Variants in PBX3 observed in about 807,000 individuals in gnomAD.
The protein encoded by PBX3 is pre-B-cell leukemia transcription factor 3.
Under a neutral mutation model 48.5 loss-of-function variants are expected in PBX3, and 14 were observed. The observed-to-expected ratio is 0.29, with a 90% confidence interval of 0.19 to 0.45. PBX3 has a LOEUF of 0.45. Ranked by LOEUF, PBX3 falls within the 20% of genes least tolerant of loss-of-function variation. The probability of loss-of-function intolerance (pLI) is 1.00; values close to 1 mark genes in which losing one functional copy is unlikely to be tolerated. For missense variants in PBX3, 386 were observed against 546.7 expected (o/e 0.71, Z 2.93); for synonymous variants, 210 against 200.3 (o/e 1.05, Z -0.41).
At chr9:125,862,021 A>G (rs943287020) in intron 2 of PBX3, among the ~76,000 whole-genome samples, 7 of 152,238 alleles carry the variant, frequency 4.6e-5, no homozygotes, top group African/African-American at 1.7e-4. Context: ...ATAAGGAGAC[A>G]TATCATTTCA....
chr9:125,929,898 G>T, intron 4 of PBX3, 53 bp downstream of exon 4: 1 of 1,370,596 alleles, frequency 7.3e-7, no homozygotes, highest in Non-Finnish European at 1.0e-6. Context: ...GTCACTCCTT[G>T]TGTATTATTT....
At chr9:125,813,727 A>G (rs1430180729) in intron 2 of PBX3, among the ~76,000 whole-genome samples, 6 of 152,016 alleles carry the variant, frequency 3.9e-5, no homozygotes, top group Non-Finnish European at 8.8e-5. Flanking sequence ...CCTGGAATCA[A>G]CCGTTTCTTT....
chr9:125,948,725 T>C (rs990437054), intron 5 of PBX3, among the ~76,000 whole-genome samples: 2 of 152,002 alleles, frequency 1.3e-5, no homozygotes, highest in African/African-American at 4.8e-5. Context: ...TGTGTGTATA[T>C]ATATATATAT....
At chr9:125,951,463 G>C (rs556954357) in intron 5 of PBX3, among the ~76,000 whole-genome samples, 1 of 152,278 alleles carries the variant, frequency 6.6e-6, no homozygotes, top group East Asian at 1.9e-4. Flanking sequence ...AGCTTGCCCA[G>C]AACTTGAAGC....
At chr9:125,961,719 T>G (rs998701937) in intron 6 of PBX3, among the ~76,000 whole-genome samples, 2 of 152,208 alleles carry the variant, frequency 1.3e-5, no homozygotes, top group African/African-American at 4.8e-5. Flanking sequence ...CTTCTCTGGG[T>G]GGCTGTCCAC....
intron 2 of PBX3, among the ~76,000 whole-genome samples, chr9:125,831,203 A>G (rs74444895): frequency 0.035 from 5,404 of 152,300 alleles, 333 homozygotes; most frequent in African/African-American, 0.12. Context: ...TAGATTCATC[A>G]TGCATCACAT....
At chr9:125,748,173 C>G in intron 1 of PBX3, 1 of 925,688 alleles carries the variant, frequency 1.1e-6, no homozygotes, top group Non-Finnish European at 1.3e-6. Flanking sequence ...CTGTCACCCT[C>G]CCGCTGGCCG....
chr9:125,757,544 A>G lies in PBX3; in HGVS notation c.274+8921A>G, dbSNP rs1182595018. 2.6e-5 allele frequency among the ~76,000 whole-genome samples: 4 copies of G among 152,122 alleles called. No individual in the cohort carries two copies. In the East Asian group the frequency reaches 7.7e-4, roughly 29 times the overall value. On this transcript the variant is annotated intron_variant, in intron 2 of 8. Transcript: ENST00000373489. ...ATGTGTGTAATTAATATCTTTAATT[A>G]AACCTAGTAATATTGGCATATTTTA...
In PBX3 at chr9:125,858,622, A is replaced by ATTT. The variant is rs36077474; in HGVS notation, c.275-57047_275-57045dup. Among the ~76,000 whole-genome samples, 485 of 117,742 alleles carry ATTT rather than the reference A, an allele frequency of 4.1e-3. 22 individuals are homozygous for ATTT. Among genetic ancestry groups the ATTT allele is most frequent in the South Asian group, 5.9e-3 (21 of 3,530 alleles). 77.2% of individuals were successfully genotyped at this position (117,742 alleles called of 152,430 possible). A position where few individuals can be genotyped will look rare whatever the true frequency, so the allele number is the denominator to read the frequency against. On this transcript the variant is annotated intron_variant, in intron 2 of 8. Transcript: ENST00000373489. ...CCCTACTTTTGAAAGACTTTGGTCCATTTTTTTTTTTTTTTTTTTCAAGAT... is the reference window on the plus strand; with the variant it reads ...CCCTACTTTTGAAAGACTTTGGTCCATTTTTTTTTTTTTTTTTTTTTTCAAGAT...
chr9:125,959,702 C>T (rs1012337740), intron 5 of PBX3, among the ~76,000 whole-genome samples: 3 of 152,202 alleles, frequency 2.0e-5, no homozygotes, highest in Non-Finnish European at 4.4e-5. Context: ...AGTGACCCCA[C>T]CCAGCCTGAT....
chr9:125,756,959 T>C (rs1042930091), intron 2 of PBX3, among the ~76,000 whole-genome samples: 4 of 152,158 alleles, frequency 2.6e-5, no homozygotes, highest in South Asian at 2.1e-4. Context: ...TTAAAACATA[T>C]GAAGTTATTT....
rs202004098 is a variant in PBX3 at position 125,899,454 on chromosome 9, TAGAGAGAG to T, written c.275-16205_275-16198del. 1.3e-3 allele frequency among the ~76,000 whole-genome samples: 137 copies of T among 103,756 alleles called. 5 individuals carry two copies. Among genetic ancestry groups the T allele is most frequent in the African/African-American group, 4.5e-3 (116 of 26,056 alleles). 68.1% of individuals were successfully genotyped at this position (103,756 alleles called of 152,430 possible). The stretch of plus-strand genomic sequence containing the variant: ...ATATATATGTGTGTATATATATATA[TAGAGAGAG>T]AGAGAGAGAGAGAGAGAGAGAGAGA... On this transcript the variant is annotated intron_variant, in intron 2 of 8. Coordinates refer to ENST00000373489, the MANE Select transcript of PBX3 (RefSeq NM_006195.6).
intron 3 of PBX3, among the ~76,000 whole-genome samples, chr9:125,921,190 T>C (rs117905119): frequency 0.022 from 3,335 of 152,316 alleles, 132 homozygotes; most frequent in Non-Finnish European, 0.022. Flanking sequence ...GACTTTTCCT[T>C]GCCTGGAAGG....
At chr9:125,905,014 A>G in intron 2 of PBX3, among the ~76,000 whole-genome samples, 1 of 151,918 alleles carries the variant, frequency 6.6e-6, no homozygotes, top group Non-Finnish European at 1.5e-5. Flanking sequence ...TCTTTAGGTA[A>G]TTTTGAAATC....
intron 2 of PBX3, among the ~76,000 whole-genome samples, chr9:125,866,054 A>G (rs1839972718): frequency 6.6e-6 from 1 of 152,026 alleles, no homozygotes; most frequent in Admixed American, 6.5e-5. Flanking sequence ...AAAACATTGA[A>G]AAGTGTTTGA....
intron 2 of PBX3, among the ~76,000 whole-genome samples, chr9:125,825,485 C>CTT (rs781544459): frequency 3.5e-5 from 5 of 140,984 alleles, no homozygotes; most frequent in Admixed American, 1.4e-4. Flanking sequence ...TATTGTTTTA[C>CTT]TTTTTTTTTT....
At chr9:125,813,398 C>T (rs1035905228) in intron 2 of PBX3, among the ~76,000 whole-genome samples, 14 of 152,102 alleles carry the variant, frequency 9.2e-5, no homozygotes, top group African/African-American at 3.4e-4. Flanking sequence ...TCTTATGAAA[C>T]CATCATTGTA....
At chr9:125,883,870 G>A (rs2132358549) in intron 2 of PBX3, among the ~76,000 whole-genome samples, 2 of 152,322 alleles carry the variant, frequency 1.3e-5, no homozygotes, top group South Asian at 4.1e-4. Context: ...TGAAAGGACT[G>A]TCGAGTTTCT....
intron 3 of PBX3, among the ~76,000 whole-genome samples, chr9:125,928,448 A>G (rs1841635570): frequency 6.7e-6 from 1 of 149,292 alleles, no homozygotes; most frequent in Non-Finnish European, 1.5e-5. Context: ...TGAAAGAGAC[A>G]ATGTCTGAGG....
Sources: allele counts gnomAD v4.1 joint callset (sites outside exome capture counted in the v4.1 genomes callset), GRCh38; gene constraint gnomAD v4.1.1; transcripts MANE v1.5; gene names NCBI Gene and HGNC (gene_info 2026-07-23, HGNC 2026-07-21).